DNAH3: variants seen among roughly 807,000 people sequenced by gnomAD.
DNAH3 encodes dynein axonemal heavy chain 3.
DNAH3 carries 332 observed loss-of-function variants against 432.5 expected under a neutral mutation model. The observed-to-expected ratio is 0.77, with a 90% CI of 0.70 to 0.84. The LOEUF is 0.84. DNAH3 is among the 40% of genes least tolerant of loss of function. DNAH3 has a pLI of 0.00. For missense variants in DNAH3, 4,861 were observed against 5,114.0 expected (o/e 0.95, Z 1.51); for synonymous variants, 1,956 against 1,900.2 (o/e 1.03, Z -0.76).
intron 7 of DNAH3, chr16:21,129,981 G>A (rs1597448193): frequency 6.9e-6 from 1 of 145,852 alleles, no homozygotes; most frequent in East Asian, 2.0e-4. Context: ...TTTCCCCCTA[G>A]AAAAATGAAC....
intron 31 of DNAH3, among the ~76,000 whole-genome samples, chr16:21,047,953 C>T (rs920939168): frequency 6.6e-6 from 1 of 151,960 alleles, no homozygotes; most frequent in Non-Finnish European, 1.5e-5. Flanking sequence ...TGTCAGTGTG[C>T]CCCTGCTGGG....
chr16:21,156,457 C>G (rs2092898095), intron 1 of DNAH3, among the ~76,000 whole-genome samples: 1 of 152,084 alleles, frequency 6.6e-6, no homozygotes, highest in African/African-American at 2.4e-5. Flanking sequence ...GTCTCGAACT[C>G]CTAGACTCAA....
Position 20,936,970 on chromosome 16 carries a change from G to A in DNAH3, c.11655-117C>T, listed in dbSNP as rs1045299673. 5.5e-5 allele frequency: 43 copies of A among 783,982 alleles called. 1 individual carries two copies. Among genetic ancestry groups the A allele is most frequent in the Middle Eastern group, 3.8e-4 (1 of 2,628 alleles). 48.6% of individuals were successfully genotyped at this position (783,982 alleles called of 1,614,324 possible). A position where few individuals can be genotyped will look rare whatever the true frequency, so the allele number is the denominator to read the frequency against. The stretch of plus-strand genomic sequence containing the variant: ...TAATTAATGCACAGTCATTAAATGA[G>A]GAAAAATTAAATCACCCGTTACCTT... On this transcript the variant is annotated intron_variant, in intron 59 of 61. Coordinates refer to ENST00000261383, the Ensembl canonical transcript of DNAH3.
intron 37 of DNAH3, among the ~76,000 whole-genome samples, chr16:21,029,487 A>G (rs2088762873): frequency 6.6e-6 from 1 of 152,202 alleles, no homozygotes; most frequent in Non-Finnish European, 1.5e-5. Context: ...AATCTTCGTA[A>G]CAGTATAAGG....
chr16:21,051,652 A>G lies in DNAH3; in HGVS notation c.4238+18T>C. The G allele has an allele frequency of 6.2e-7, 1 of 1,611,854 alleles. No individual in the cohort carries two copies. The highest frequency in any genetic ancestry group is 8.5e-7 in the Non-Finnish European group (1 of 1,179,428). ...AGTTCTCCGTTCACCCCTCAGATCT[A>G]GGAGCTCCAGAGTGTACCTGTAGCA... On this transcript the variant is annotated intron_variant, in intron 29 of 61. Coordinates refer to ENST00000261383, the Ensembl canonical transcript of DNAH3.
At chr16:20,979,600 C>T (rs1346954306) in intron 49 of DNAH3, 54 bp from the exon 50 acceptor site, 13 of 1,509,522 alleles carry the variant, frequency 8.6e-6, no homozygotes, top group Non-Finnish European at 1.2e-5. Flanking sequence ...CAGGGAGATC[C>T]AGTACAGCTT....
In DNAH3 at chr16:21,065,087, T is replaced by A. The variant is rs180731898; in HGVS notation, c.3518+2196A>T. ...CAAACCCATAAGAGTATTACAAAGATTAAATTAGTTAGTTAGTAAGTGTAA... is the reference window on the plus strand; with the variant it reads ...CAAACCCATAAGAGTATTACAAAGAATAAATTAGTTAGTTAGTAAGTGTAA... On this transcript the variant is annotated intron_variant, in intron 24 of 61. Transcript: ENST00000261383. Among the ~76,000 whole-genome samples the A allele has an allele frequency of 8.2e-4, 125 of 152,234 alleles. No individual in the cohort carries two copies. In the Middle Eastern group the frequency reaches 0.014, roughly 17 times the overall value.
At chr16:21,032,000 A>G (rs2152724636) in intron 36 of DNAH3, among the ~76,000 whole-genome samples, 1 of 151,174 alleles carries the variant, frequency 6.6e-6, no homozygotes, top group African/African-American at 2.4e-5. Context: ...ATGCCACTGC[A>G]CTCCAGCCTG....
chr16:21,096,134 ATTT>A (rs11286672), intron 18 of DNAH3, among the ~76,000 whole-genome samples: 7 of 140,002 alleles, frequency 5.0e-5, no homozygotes, highest in Non-Finnish European at 4.6e-5. Flanking sequence ...AGGGTCTCTG[ATTT>A]TTTTTTTTTT....
chr16:21,074,159 C>T lies in DNAH3; in HGVS notation c.3084+1288G>A, dbSNP rs372421040. ...CACCTTTTCACCCCTACAGCTCTTC[C>T]TTGAGTGAAATCAAGACACTCCAAC... On this transcript the variant is annotated intron_variant, in intron 21 of 61. Coordinates refer to ENST00000261383, the Ensembl canonical transcript of DNAH3. 1.2e-4 allele frequency among the ~76,000 whole-genome samples: 18 copies of T among 152,276 alleles called. 3 individuals are homozygous for T. The highest frequency in any genetic ancestry group is 4.6e-4 in the Admixed American group (7 of 15,294).
chr16:21,129,736 C>A (rs1481919984), intron 7 of DNAH3, among the ~76,000 whole-genome samples: 1 of 151,164 alleles, frequency 6.6e-6, no homozygotes, highest in East Asian at 1.9e-4. Flanking sequence ...GGCTCTGTCT[C>A]AAAAACAAAA....
At chr16:21,118,696 T>C (rs1219202831) in intron 11 of DNAH3, among the ~76,000 whole-genome samples, 2 of 152,150 alleles carry the variant, frequency 1.3e-5, no homozygotes, top group African/African-American at 4.8e-5. Context: ...TTTCAGAAAA[T>C]GGAGGTGGAC....
At chr16:21,145,453 CG>C in intron 2 of DNAH3, 47 bp from the exon 4 acceptor site, 2 of 1,522,654 alleles carry the variant, frequency 1.3e-6, no homozygotes, top group Non-Finnish European at 1.8e-6. Context: ...GAACATCTCT[CG>C]ATGAGCCTGA....
chr16:21,088,231 A>G (rs1250703751), intron 18 of DNAH3, among the ~76,000 whole-genome samples: 3 of 152,282 alleles, frequency 2.0e-5, no homozygotes, highest in Non-Finnish European at 4.4e-5. Context: ...ATGCACCAGG[A>G]AATATTGTAG....
At chr16:21,064,153 T>C (rs1188376949) in intron 24 of DNAH3, among the ~76,000 whole-genome samples, 2 of 152,212 alleles carry the variant, frequency 1.3e-5, no homozygotes, top group Non-Finnish European at 2.9e-5. Flanking sequence ...CTGTGCACGT[T>C]CTAAGCCTAG....
At chr16:21,040,657 G>A (rs150434252) in intron 32 of DNAH3, among the ~76,000 whole-genome samples, 2 of 151,852 alleles carry the variant, frequency 1.3e-5, no homozygotes, top group South Asian at 2.1e-4. Flanking sequence ...GAGCTACCGC[G>A]CCCAGCCAGA....
intron 51 of DNAH3, 24 bp downstream of exon 51, chr16:20,975,209 T>TC: frequency 2.7e-5 from 44 of 1,610,968 alleles, no homozygotes; most frequent in Non-Finnish European, 3.7e-5. Flanking sequence ...ACCAGTTCCC[T>TC]CCCTTTCTTC....
At chr16:21,137,720 G>A (rs2092663538) in intron 5 of DNAH3, among the ~76,000 whole-genome samples, 1 of 152,062 alleles carries the variant, frequency 6.6e-6, no homozygotes. Context: ...ACCACACCCA[G>A]CTGATAGTTC....
At chr16:21,003,255 T>C in intron 41 of DNAH3, 48 bp from the exon 42 acceptor site, 1 of 1,276,820 alleles carries the variant, frequency 7.8e-7, no homozygotes, top group Non-Finnish European at 1.1e-6. Flanking sequence ...AAGGCTTTAC[T>C]TGCCTCCCAT....
Sources: gnomAD v4.1 joint callset for allele counts (sites outside exome capture counted in the v4.1 genomes callset) on GRCh38, gnomAD v4.1.1 for gene constraint, MANE v1.5 for transcripts, NCBI Gene and HGNC (gene_info 2026-07-23, HGNC 2026-07-21) for gene names.